TSHZ2: variants seen among roughly 807,000 people sequenced by gnomAD.
TSHZ2 encodes teashirt zinc finger homeobox 2.
A neutral mutation model predicts 74.4 loss-of-function variants in TSHZ2; 21 were observed. That is an observed-to-expected ratio of 0.28 (90% CI 0.20 to 0.41). The LOEUF (loss-of-function observed/expected upper bound fraction) is 0.41. TSHZ2 is among the 10% of genes least tolerant of loss of function. The pLI, the probability that TSHZ2 is intolerant of heterozygous loss-of-function variation, is 1.00. For synonymous variants in TSHZ2, 540 were observed against 515.3 expected, an observed-to-expected ratio of 1.05 and a Z score of -0.65; for missense variants, 1,244 against 1,293.5, an observed-to-expected ratio of 0.96 and a Z score of 0.59.
intron 1 of TSHZ2, among the ~76,000 whole-genome samples, chr20:53,075,905 T>C: frequency 6.6e-6 from 1 of 152,130 alleles, no homozygotes; most frequent in East Asian, 1.9e-4. Context: ...AAGTGGCACA[T>C]TCTCAACTGC....
chr20:53,435,226 T>A (rs1169703705), intron 2 of TSHZ2, among the ~76,000 whole-genome samples: 3 of 152,222 alleles, frequency 2.0e-5, no homozygotes, highest in Non-Finnish European at 2.9e-5. Context: ...ACCAATTGTG[T>A]GCAAGGTCCT....
At chr20:53,139,180 A>G (rs966428074) in intron 1 of TSHZ2, among the ~76,000 whole-genome samples, 1 of 152,188 alleles carries the variant, frequency 6.6e-6, no homozygotes, top group Non-Finnish European at 1.5e-5. Context: ...AAGACTTACT[A>G]TAACTGCTTG....
At chr20:53,289,269 T>A (rs183873033) in intron 2 of TSHZ2, among the ~76,000 whole-genome samples, 13 of 152,372 alleles carry the variant, frequency 8.5e-5, no homozygotes, top group African/African-American at 3.1e-4. Context: ...TGTGCTGCTA[T>A]AAACACGCAT....
intron 1 of TSHZ2, among the ~76,000 whole-genome samples, chr20:53,143,111 C>T (rs1397259106): frequency 6.6e-6 from 1 of 152,170 alleles, no homozygotes; most frequent in Non-Finnish European, 1.5e-5. Flanking sequence ...TATGTAAATA[C>T]TATTCGAATT....
At chr20:53,298,059 A>G (rs911994787) in intron 2 of TSHZ2, among the ~76,000 whole-genome samples, 24 of 152,184 alleles carry the variant, frequency 1.6e-4, no homozygotes, top group African/African-American at 5.8e-4. Context: ...TCGGTCACCT[A>G]CCTATTATGG....
intron 2 of TSHZ2, among the ~76,000 whole-genome samples, chr20:53,282,489 T>A (rs73274257): frequency 0.027 from 4,092 of 152,292 alleles, 186 homozygotes; most frequent in African/African-American, 0.093. Context: ...ACGCTTTAAG[T>A]AGCGATATTA....
chr20:53,339,166 A>G (rs1980077302), intron 2 of TSHZ2, among the ~76,000 whole-genome samples: 1 of 152,200 alleles, frequency 6.6e-6, no homozygotes, highest in South Asian at 2.1e-4. Flanking sequence ...TATTTTCTTC[A>G]CCTGAACTTA....
At chr20:53,297,428 G>A (rs982629679) in intron 2 of TSHZ2, among the ~76,000 whole-genome samples, 6 of 151,896 alleles carry the variant, frequency 4.0e-5, no homozygotes, top group African/African-American at 1.5e-4. Flanking sequence ...GCTTTAATTA[G>A]CGTGCCGTCT....
In TSHZ2 at chr20:53,448,737, CAAG is replaced by C. The variant is rs140150369; in HGVS notation, c.*9-38403_*9-38401del. On this transcript the variant is annotated intron_variant, in intron 2 of 2. Coordinates refer to ENST00000371497, the MANE Select transcript of TSHZ2 (RefSeq NM_173485.6). Reference sequence around the variant, plus strand: ...TGTCATTCCCCAAAATGTCATGAAACAAGAAGGTTTAACTCAGTATCCTGTTAC... The same window carrying C: ...TGTCATTCCCCAAAATGTCATGAAACAAGGTTTAACTCAGTATCCTGTTAC... 1.5e-3 allele frequency among the ~76,000 whole-genome samples: 223 copies of C among 152,228 alleles called. 5 individuals are homozygous for C. In the East Asian group the frequency reaches 0.035, roughly 24 times the overall value.
chr20:53,122,026 C>T (rs1320695137), intron 1 of TSHZ2, among the ~76,000 whole-genome samples: 1 of 151,964 alleles, frequency 6.6e-6, no homozygotes, highest in African/African-American at 2.4e-5. Context: ...GTGGCTTATG[C>T]CTGTAATTCC....
intron 2 of TSHZ2, among the ~76,000 whole-genome samples, chr20:53,440,248 C>T (rs1304905131): frequency 2.0e-5 from 3 of 152,064 alleles, no homozygotes; most frequent in Non-Finnish European, 2.9e-5. Context: ...GGGATCTTCA[C>T]GCAGGGAGAA....
intron 1 of TSHZ2, among the ~76,000 whole-genome samples, chr20:53,176,154 A>G (rs1315077893): frequency 2.6e-5 from 4 of 152,182 alleles, no homozygotes; most frequent in Non-Finnish European, 1.5e-5. Flanking sequence ...TTCTAAGGTC[A>G]TCTTCAGGCT....
intron 2 of TSHZ2, among the ~76,000 whole-genome samples, chr20:53,428,342 T>G (rs1172886530): frequency 6.6e-6 from 1 of 152,234 alleles, no homozygotes; most frequent in African/African-American, 2.4e-5. Context: ...AAAGGCACTG[T>G]GTATTATTAT....
chr20:53,306,704 C>G (rs907019738), intron 2 of TSHZ2, among the ~76,000 whole-genome samples: 2 of 152,154 alleles, frequency 1.3e-5, no homozygotes, highest in African/African-American at 4.8e-5. Context: ...TGAAGGCACG[C>G]CCTCATAATT....
In TSHZ2 at chr20:52,976,375, G is replaced by C. The variant is rs775838547; in HGVS notation, c.40+3042G>C. Among the ~76,000 whole-genome samples the C allele has an allele frequency of 9.3e-4, 141 of 152,260 alleles. 1 individual carries two copies. The highest frequency in any genetic ancestry group is 1.9e-3 in the Non-Finnish European group (128 of 68,014). ...TACTTAGGGCAAGAAAAAAAAAGTT[G>C]AGAAAGCAGCCTACAGTACCCCAGG... On this transcript the variant is annotated intron_variant, in intron 1 of 2. Coordinates refer to ENST00000371497, the MANE Select transcript of TSHZ2 (RefSeq NM_173485.6).
chr20:53,401,949 A>AT (rs1982680647), intron 2 of TSHZ2, among the ~76,000 whole-genome samples: 1 of 151,602 alleles, frequency 6.6e-6, no homozygotes, highest in Non-Finnish European at 1.5e-5. Flanking sequence ...TGCCTGGCTA[A>AT]TTTTTTGTAT....
chr20:53,313,321 G>C lies in TSHZ2; in HGVS notation c.*8+56750G>C, dbSNP rs1228389598. On this transcript the variant is annotated intron_variant, in intron 2 of 2. Coordinates refer to ENST00000371497, the MANE Select transcript of TSHZ2 (RefSeq NM_173485.6). ...CCATTTTGCATGGGAATATTTCTGA[G>C]AGTGCATTACACACTTCCCTACCTC... 2.0e-5 allele frequency among the ~76,000 whole-genome samples: 3 copies of C among 152,168 alleles called. No homozygotes were observed. The East Asian group carries it at 5.8e-4, about 29-fold the overall frequency.
intron 1 of TSHZ2, among the ~76,000 whole-genome samples, chr20:53,226,486 T>C (rs1020159290): frequency 7.9e-5 from 12 of 152,056 alleles, no homozygotes; most frequent in African/African-American, 2.9e-4. Flanking sequence ...TAGAATAGTC[T>C]GTGGCCAGTA....
chr20:53,174,056 A>G lies in TSHZ2; in HGVS notation c.41-79443A>G, dbSNP rs569721753. Reference sequence around the variant, plus strand: ...CACAGGGAAATTCAGGAGGGAGAGGAAGGGGAAATGGAGAGGAAGAGACAT... The same window carrying G: ...CACAGGGAAATTCAGGAGGGAGAGGGAGGGGAAATGGAGAGGAAGAGACAT... On this transcript the variant is annotated intron_variant, in intron 1 of 2. Transcript: ENST00000371497. Among the ~76,000 whole-genome samples, 3 of 152,234 alleles carry G rather than the reference A, an allele frequency of 2.0e-5. No individual in the cohort carries two copies. In the South Asian group the frequency reaches 6.2e-4, roughly 32 times the overall value.
Sources: allele counts gnomAD v4.1 joint callset (sites outside exome capture counted in the v4.1 genomes callset), GRCh38; gene constraint gnomAD v4.1.1; transcripts MANE v1.5; gene names NCBI Gene and HGNC (gene_info 2026-07-23, HGNC 2026-07-21).